The following MTMR9 variants were observed in gnomAD, a reference collection of about 807,000 sequenced individuals.
MTMR9 encodes myotubularin-related protein 9.
A neutral mutation model predicts 69.5 loss-of-function variants in MTMR9; 39 were observed. That is an observed-to-expected ratio of 0.56 (90% CI 0.43 to 0.73). The LOEUF (loss-of-function observed/expected upper bound fraction) is 0.73, where lower values mean the gene tolerates loss of function less well. Among genes scored for constraint, MTMR9 ranks in the 30% least tolerant of loss-of-function variants. The pLI, the probability that MTMR9 is intolerant of heterozygous loss-of-function variation, is 0.00. For synonymous variants in MTMR9, 354 were observed against 240.8 expected, an observed-to-expected ratio of 1.47 and a Z score of -4.35; for missense variants, 900 against 671.2, an observed-to-expected ratio of 1.34 and a Z score of -3.77.
Position 11,326,830 on chromosome 8 carries a change from T to A in MTMR9, c.*4042T>A, listed in dbSNP as rs1035252340. The A allele has an allele frequency of 6.6e-6, 1 of 151,886 alleles. No homozygotes were observed. The highest frequency in any genetic ancestry group is 2.4e-5 in the African/African-American group (1 of 41,280). The allele number at this position is 151,886 out of a possible 1,614,324, so 9.4% of individuals were successfully genotyped here. ...CTAAAAATACAAAAAATTAGCCAGG[T>A]GTGGTGGCGGGCGCCTGTAGTCCCA... On this transcript the variant is annotated 3_prime_UTR_variant, in exon 10 of 10. Coordinates refer to ENST00000221086, the MANE Select transcript of MTMR9 (RefSeq NM_015458.4).
At chr8:11,286,746 T>A (rs182183007) in intron 1 of MTMR9, among the ~76,000 whole-genome samples, 1 of 151,972 alleles carries the variant, frequency 6.6e-6, no homozygotes. Flanking sequence ...CATGGCATTC[T>A]GTGTCTCGGC....
chr8:11,302,148 G>A (rs1450652725), intron 3 of MTMR9, among the ~76,000 whole-genome samples: 1 of 151,570 alleles, frequency 6.6e-6, no homozygotes, highest in African/African-American at 2.4e-5. Flanking sequence ...AGTTACCTGG[G>A]GGTCTGAGGT....
Position 11,322,834 on chromosome 8 carries a change from C to T in MTMR9, c.*46C>T, listed in dbSNP as rs369114696. Reference sequence around the variant, plus strand: ...GCAAGGACCTTCTTGGGCCTGTGTCCGCCGTTCTCTCCTTGTGCCCTTCAG... The same window carrying T: ...GCAAGGACCTTCTTGGGCCTGTGTCTGCCGTTCTCTCCTTGTGCCCTTCAG... On this transcript the variant is annotated 3_prime_UTR_variant, in exon 10 of 10. Coordinates refer to ENST00000221086, the MANE Select transcript of MTMR9 (RefSeq NM_015458.4). 304 of 1,563,470 alleles carry T rather than the reference C, an allele frequency of 1.9e-4. No individual in the cohort carries two copies. The highest frequency in any genetic ancestry group is 6.9e-4 in the South Asian group (58 of 84,264).
chr8:11,299,174 A>C (rs947910503), intron 2 of MTMR9, among the ~76,000 whole-genome samples: 18 of 151,988 alleles, frequency 1.2e-4, no homozygotes, highest in Non-Finnish European at 2.2e-4. Flanking sequence ...CTAAAAATAC[A>C]AAAAAATTAG....
rs182420389 is a variant in MTMR9 at position 11,317,004 on chromosome 8, A to T, written c.1334+111A>T. The T allele has an allele frequency of 8.2e-6, 5 of 608,792 alleles. No homozygotes were observed. The Admixed American group carries it at 9.5e-5, about 12-fold the overall frequency. The allele number at this position is 608,792 out of a possible 1,614,324, so 37.7% of individuals were successfully genotyped here. A position where few individuals can be genotyped will look rare whatever the true frequency, so the allele number is the denominator to read the frequency against. On this transcript the variant is annotated intron_variant, in intron 8 of 9. Coordinates refer to ENST00000221086, the MANE Select transcript of MTMR9 (RefSeq NM_015458.4). ...ATTTGGATCTATATTAAAATTATTT[A>T]TAAAAAGGTAGAGGCTACAGTTAAT...
rs1033281606 is a variant in MTMR9 at position 11,323,400 on chromosome 8, A to C, written c.*612A>C. On this transcript the variant is annotated 3_prime_UTR_variant, in exon 10 of 10. Transcript: ENST00000221086. Reference sequence around the variant, plus strand: ...CTGTTATTCAAGGTAAATTATTTCTACAAGGGCAACAGGTATGGTCCTCCG... The same window carrying C: ...CTGTTATTCAAGGTAAATTATTTCTCCAAGGGCAACAGGTATGGTCCTCCG... The C allele has an allele frequency of 1.3e-5, 2 of 152,254 alleles. No homozygotes were observed. Among genetic ancestry groups the C allele is most frequent in the Non-Finnish European group, 2.9e-5 (2 of 68,040 alleles). The allele number at this position is 152,254 out of a possible 1,614,324, so 9.4% of individuals were successfully genotyped here.
intron 6 of MTMR9, among the ~76,000 whole-genome samples, chr8:11,311,564 A>G (rs1325869936): frequency 6.6e-6 from 1 of 152,236 alleles, no homozygotes; most frequent in East Asian, 1.9e-4. Context: ...AAAAAACAAT[A>G]TACATACCTG....
chr8:11,332,338 G>A, downstream of MTMR9: 1 of 860,198 alleles, frequency 1.2e-6, no homozygotes, highest in Non-Finnish European at 1.6e-6. Context: ...CTTATTTACA[G>A]GAATAAAATT....
chr8:11,332,146 G>C (rs778788674), downstream of MTMR9: 2 of 1,611,466 alleles, frequency 1.2e-6, no homozygotes, highest in South Asian at 1.1e-5. Context: ...GAGCCCGGGG[G>C]TTGGGAGGGA....
intron 3 of MTMR9, among the ~76,000 whole-genome samples, chr8:11,302,914 T>C (rs1267260596): frequency 2.0e-5 from 3 of 152,048 alleles, no homozygotes; most frequent in Non-Finnish European, 4.4e-5. Context: ...TAAGAAAAGA[T>C]AGTAAGACCT....
In MTMR9 at chr8:11,316,713, A is replaced by G. The variant is rs200395697; in HGVS notation, c.1154A>G (p.Tyr385Cys). The G allele has an allele frequency of 6.8e-6, 11 of 1,613,238 alleles. No individual in the cohort carries two copies. Among genetic ancestry groups the G allele is most frequent in the South Asian group, 5.5e-5 (5 of 90,992 alleles). ...PFQQRCAQSA[Y>C]CNTKQKWEAP... ...CAGCAGCGCTGTGCACAGTCAGCCT[A>G]CTGTAACACCAAGCAGAAGTGGGAG... is the stretch of plus-strand genomic sequence containing the variant. Residue 385 changes from tyrosine to cysteine, a missense_variant, in exon 8 of 10, where the codon TAC becomes TGC. Coordinates refer to ENST00000221086, the MANE Select transcript of MTMR9 (RefSeq NM_015458.4).
chr8:11,319,876 G>T (rs370982574), intron 9 of MTMR9, 38 bp downstream of exon 9: 15 of 1,608,368 alleles, frequency 9.3e-6, no homozygotes, highest in Admixed American at 1.7e-5. Flanking sequence ...TTAACGGTCA[G>T]GTGTGCATGC....
chr8:11,309,827 G>T (rs762408768), intron 6 of MTMR9, 139 bp downstream of exon 6: 9 of 823,462 alleles, frequency 1.1e-5, no homozygotes, highest in Non-Finnish European at 1.6e-5. Context: ...TCCCATTATT[G>T]ATGAGGTGTG....
At position 11,316,903 on chromosome 8, in the gene MTMR9, C is replaced by T; in HGVS notation, c.1334+10C>T. 6.4e-7 allele frequency: 1 copy of T among 1,559,358 alleles called. No individual in the cohort carries two copies. Among genetic ancestry groups the T allele is most frequent in the Non-Finnish European group, 8.7e-7 (1 of 1,148,120 alleles). On this transcript the variant is annotated intron_variant, in intron 8 of 9. Coordinates refer to ENST00000221086, the MANE Select transcript of MTMR9 (RefSeq NM_015458.4). ...ACAATGAAAGTGAAAGGTGAGTACACTGCTCACATGGGGACCTTTCCTTTT... is the reference window on the plus strand; with the variant it reads ...ACAATGAAAGTGAAAGGTGAGTACATTGCTCACATGGGGACCTTTCCTTTT...
At chr8:11,334,896 T>G in the MTMR9 span, among the ~76,000 whole-genome samples, 6 of 152,342 alleles carry the variant, frequency 3.9e-5, no homozygotes, top group Non-Finnish European at 7.4e-5. Flanking sequence ...CAAAACTTTA[T>G]GCTAAAACTC....
intron 8 of MTMR9, chr8:11,317,159 T>A (rs1800453967): frequency 4.1e-6 from 1 of 241,276 alleles, no homozygotes; most frequent in Non-Finnish European, 7.8e-6. Context: ...TAACATAGGA[T>A]CATAGTATCT....
At chr8:11,294,339 G>A (rs1427459129) in intron 1 of MTMR9, among the ~76,000 whole-genome samples, 3 of 152,016 alleles carry the variant, frequency 2.0e-5, no homozygotes, top group South Asian at 2.1e-4. Context: ...ATCCTTCACC[G>A]TTAAGTGTGC....
intron 1 of MTMR9, among the ~76,000 whole-genome samples, chr8:11,294,500 C>CTTTTTTT (rs61227530): frequency 0.01 from 1,107 of 105,642 alleles, 175 homozygotes; most frequent in African/African-American, 0.046. Flanking sequence ...AATACTTTCA[C>CTTTTTTT]TTTTTTTTTT....
intron 4 of MTMR9, among the ~76,000 whole-genome samples, chr8:11,305,435 C>T (rs1799903835): frequency 6.6e-6 from 1 of 152,158 alleles, no homozygotes; most frequent in Non-Finnish European, 1.5e-5. Context: ...AAGAGTGATG[C>T]TCATGTCATT....
Sources: gnomAD v4.1 joint callset for allele counts (sites outside exome capture counted in the v4.1 genomes callset) on GRCh38, gnomAD v4.1.1 for gene constraint, MANE v1.5 for transcripts, NCBI Gene and HGNC (gene_info 2026-07-23, HGNC 2026-07-21) for gene names.